The following JAM3 variants were observed in gnomAD, a reference collection of about 807,000 sequenced individuals.
JAM3 encodes the protein junctional adhesion molecule 3, also known as junctional adhesion molecule C.
JAM3 carries 31 observed loss-of-function variants against 39.4 expected under a neutral mutation model. The observed-to-expected ratio is 0.79, with a 90% confidence interval of 0.59 to 1.06. The LOEUF is 1.06. Among genes scored for constraint, JAM3 ranks in the 50% least tolerant of loss-of-function variants. JAM3 has a pLI of 0.00. For synonymous variants in JAM3, 182 were observed against 148.7 expected, an observed-to-expected ratio of 1.22 and a Z score of -1.63; for missense variants, 455 against 391.4, an observed-to-expected ratio of 1.16 and a Z score of -1.37.
In JAM3 at chr11:134,148,638, A is replaced by G. The variant is rs1450839188; in HGVS notation, c.804A>G (p.Arg268=). ...CGTTGGGCATCTGCTGTGCATACAGACGTGGCTACTTCATCAACAATAAAC... is the reference window on the plus strand; with the variant it reads ...CGTTGGGCATCTGCTGTGCATACAGGCGTGGCTACTTCATCAACAATAAAC... ...LITLGICCAY[R]RGYFINNKQD... is the part of the protein sequence containing the mutation. Residue 268 remains arginine, a synonymous_variant, in exon 7 of 9, where the codon AGA becomes AGG. Transcript: ENST00000299106. 6.2e-7 allele frequency: 1 copy of G among 1,614,190 alleles called. No homozygotes were observed. Among genetic ancestry groups the G allele is most frequent in the South Asian group, 1.1e-5 (1 of 91,084 alleles).
At chr11:134,148,268 A>C (rs1247829180) in intron 6 of JAM3, 1 of 472,296 alleles carries the variant, frequency 2.1e-6, no homozygotes, top group African/African-American at 2.0e-5. Context: ...GAGGATTTTT[A>C]AGCCTACAGT....
chr11:134,115,196 C>G (rs776284767), intron 1 of JAM3, among the ~76,000 whole-genome samples: 32 of 152,178 alleles, frequency 2.1e-4, no homozygotes, highest in Non-Finnish European at 3.5e-4. Flanking sequence ...AATATAGCCA[C>G]TCCACTTTTC....
intron 1 of JAM3, among the ~76,000 whole-genome samples, chr11:134,127,665 A>T (rs1942676661): frequency 6.6e-6 from 1 of 152,226 alleles, no homozygotes; most frequent in Admixed American, 6.5e-5. Context: ...ATGCCACTGC[A>T]TTGCAGTCTG....
chr11:134,145,076 G>A (rs1008469031), intron 5 of JAM3, 82 bp downstream of exon 5: 1 of 1,189,006 alleles, frequency 8.4e-7, no homozygotes, highest in East Asian at 2.4e-5. Flanking sequence ...GATTAGGAGA[G>A]ATACTGAAAC....
At chr11:134,105,876 A>G (rs1942174920) in intron 1 of JAM3, among the ~76,000 whole-genome samples, 1 of 152,234 alleles carries the variant, frequency 6.6e-6, no homozygotes, top group Non-Finnish European at 1.5e-5. Flanking sequence ...AGAACATTCC[A>G]TGCTCATGGG....
At chr11:134,109,757 GTAGGGAAA>G (rs1187056365) in intron 1 of JAM3, among the ~76,000 whole-genome samples, 4 of 152,158 alleles carry the variant, frequency 2.6e-5, no homozygotes, top group African/African-American at 9.7e-5. Flanking sequence ...AAAGGAGCAG[GTAGGGAAA>G]TAGTCAATTA....
chr11:134,118,756 C>T (rs568192483), intron 1 of JAM3, among the ~76,000 whole-genome samples: 2 of 152,140 alleles, frequency 1.3e-5, no homozygotes, highest in African/African-American at 4.8e-5. Flanking sequence ...TTCCTCATAG[C>T]TTCGATTAAC....
At chr11:134,122,700 G>T (rs1382107393) in intron 1 of JAM3, among the ~76,000 whole-genome samples, 5 of 152,192 alleles carry the variant, frequency 3.3e-5, no homozygotes, top group African/African-American at 1.2e-4. Flanking sequence ...TTTACATATA[G>T]GGGGCAGTTT....
intron 1 of JAM3, among the ~76,000 whole-genome samples, chr11:134,089,488 T>G (rs1259686): frequency 0.4 from 59,995 of 151,756 alleles, 12,903 homozygotes; most frequent in African/African-American, 0.58. Context: ...GCCCCGGTGT[T>G]TGATGTTCCC....
rs550090586 is a variant in JAM3 at position 134,148,650 on chromosome 11, C to G, written c.816C>G (p.Phe272Leu). The change falls in exon 7 of 9, where the codon TTC becomes TTG. Residue 272 changes from phenylalanine to leucine, a missense_variant. Physicochemically the swap from Phe to Leu is conservative, Grantham distance 22 (BLOSUM62 0). Transcript: ENST00000299106. ...GICCAYRRGY[F>L]INNKQDGESY... ...GCTGTGCATACAGACGTGGCTACTT[C>G]ATCAACAATAAACAGGATGGAGAAA... 45 of 1,613,932 alleles carry G rather than the reference C, an allele frequency of 2.8e-5. No individual in the cohort carries two copies. The highest frequency in any genetic ancestry group is 3.7e-5 in the Non-Finnish European group (44 of 1,180,020).
chr11:134,147,495 T>C (rs1272493075), intron 6 of JAM3, among the ~76,000 whole-genome samples: 1 of 150,182 alleles, frequency 6.7e-6, no homozygotes, highest in Non-Finnish European at 1.5e-5. Flanking sequence ...CAAGTTTACT[T>C]TTTGTTTTTG....
intron 1 of JAM3, among the ~76,000 whole-genome samples, chr11:134,097,579 C>T (rs1212596366): frequency 2.0e-5 from 3 of 152,048 alleles, no homozygotes; most frequent in Admixed American, 6.6e-5. Context: ...GTTGTGTAGT[C>T]AGCTCTCGGT....
At chr11:134,077,944 G>A (rs944750981) in intron 1 of JAM3, among the ~76,000 whole-genome samples, 1 of 151,406 alleles carries the variant, frequency 6.6e-6, no homozygotes, top group Non-Finnish European at 1.5e-5. Context: ...GAGGCACCGC[G>A]CCCGGCCAAG....
At chr11:134,145,236 C>G (rs1240506988) in intron 5 of JAM3, 12 of 572,224 alleles carry the variant, frequency 2.1e-5, no homozygotes, top group Non-Finnish European at 3.1e-5. Context: ...GGATATTAAG[C>G]AAATGTTACT....
Position 134,140,473 on chromosome 11 carries a change from G to T in JAM3, c.143-184G>T, listed in dbSNP as rs73600742. 0.017 allele frequency among the ~76,000 whole-genome samples: 2,585 copies of T among 152,220 alleles called. 65 individuals are homozygous for T. The highest frequency in any genetic ancestry group is 0.055 in the African/African-American group (2,279 of 41,512). On this transcript the variant is annotated intron_variant, in intron 2 of 8. Coordinates refer to ENST00000299106, the MANE Select transcript of JAM3 (RefSeq NM_032801.5). The stretch of plus-strand genomic sequence containing the variant: ...GGGTACACTATGTAGTAAAATCCTT[G>T]CTAATTATCTTTATTGTTTTTCTGG...
chr11:134,094,807 G>A (rs1565486653), intron 1 of JAM3, among the ~76,000 whole-genome samples: 1 of 152,264 alleles, frequency 6.6e-6, no homozygotes, highest in African/African-American at 2.4e-5. Flanking sequence ...GTTTATTTGT[G>A]TATTATTAGA....
chr11:134,124,269 T>C, intron 1 of JAM3: 1 of 1,008,140 alleles, frequency 9.9e-7, no homozygotes, highest in Non-Finnish European at 1.6e-6. Flanking sequence ...GGTAGGGTTG[T>C]GAGTTACAAG....
At chr11:134,086,840 G>T (rs77303199) in intron 1 of JAM3, among the ~76,000 whole-genome samples, 1,551 of 152,052 alleles carry the variant, frequency 0.01, 22 homozygotes, top group African/African-American at 0.035. Context: ...TTTTGATGCG[G>T]GGTCTTGCTC....
chr11:134,100,981 T>G (rs1454582212), intron 1 of JAM3, among the ~76,000 whole-genome samples: 1 of 152,226 alleles, frequency 6.6e-6, no homozygotes, highest in East Asian at 1.9e-4. Context: ...TGTTTATGTC[T>G]TCTTTCAATA....
Sources: allele counts gnomAD v4.1 joint callset (sites outside exome capture counted in the v4.1 genomes callset), GRCh38; gene constraint gnomAD v4.1.1; transcripts MANE v1.5; gene names NCBI Gene and HGNC (gene_info 2026-07-23, HGNC 2026-07-21).